EPB41L2: variants seen among roughly 807,000 people sequenced by gnomAD.
EPB41L2 encodes erythrocyte membrane protein band 4.1 like 2, also known as band 4.1-like protein 2.
In EPB41L2, 43 loss-of-function variants were observed where a neutral mutation model predicts 113.0. The ratio of observed to expected loss-of-function variants is 0.38; its 90% CI spans 0.30 to 0.49. The LOEUF (loss-of-function observed/expected upper bound fraction) is 0.49, where lower values mean the gene tolerates loss of function less well. Ranked by LOEUF, EPB41L2 falls within the 20% of genes least tolerant of loss-of-function variation. The pLI, the probability that EPB41L2 is intolerant of heterozygous loss-of-function variation, is 0.95. For missense variants in EPB41L2, 1,147 were observed against 1,223.4 expected (o/e 0.94, Z 0.93); for synonymous variants, 442 against 436.7 (o/e 1.01, Z -0.15).
chr6:130,926,789 A>G, intron 3 of EPB41L2, 80 bp from the exon 4 acceptor site: 1 of 772,606 alleles, frequency 1.3e-6, no homozygotes, highest in Non-Finnish European at 2.1e-6. Context: ...CATATCAGAT[A>G]CATGATTTAT....
chr6:130,906,069 C>A (rs545733710), intron 5 of EPB41L2, among the ~76,000 whole-genome samples: 1 of 152,242 alleles, frequency 6.6e-6, no homozygotes, highest in East Asian at 1.9e-4. Flanking sequence ...TGGCCTATAG[C>A]GCCATGATGA....
At chr6:130,874,361 A>G (rs1010180649) in intron 14 of EPB41L2, among the ~76,000 whole-genome samples, 1 of 130,966 alleles carries the variant, frequency 7.6e-6, no homozygotes, top group Non-Finnish European at 1.7e-5. Context: ...ATACTTATGC[A>G]TAATTTTTTT....
chr6:130,895,859 A>G (rs76040399), intron 8 of EPB41L2, among the ~76,000 whole-genome samples: 1,609 of 152,294 alleles, frequency 0.011, 30 homozygotes, highest in African/African-American at 0.036. Flanking sequence ...TGTTTTAAAA[A>G]CCAAACAAAT....
chr6:130,865,484 A>T (rs1231245380), intron 17 of EPB41L2, 52 bp downstream of exon 17: 1 of 1,538,462 alleles, frequency 6.5e-7, no homozygotes, highest in Non-Finnish European at 9.0e-7. Context: ...TTCAGAAAAG[A>T]TTCTGTCTGT....
chr6:130,952,101 A>T (rs542354068), intron 3 of EPB41L2, among the ~76,000 whole-genome samples: 11 of 152,220 alleles, frequency 7.2e-5, no homozygotes, highest in African/African-American at 2.7e-4. Flanking sequence ...CTGAGAAGGT[A>T]TTTCACATAC....
chr6:131,057,070 A>T (rs1797742708), intron 1 of EPB41L2, among the ~76,000 whole-genome samples: 1 of 152,186 alleles, frequency 6.6e-6, no homozygotes. Context: ...AAAAAATTAA[A>T]AAAAAAGAGA....
intron 8 of EPB41L2, among the ~76,000 whole-genome samples, chr6:130,899,183 A>C (rs1487427992): frequency 6.6e-6 from 1 of 151,956 alleles, no homozygotes; most frequent in Non-Finnish European, 1.5e-5. Flanking sequence ...GCCTAGCAGA[A>C]GCTGCAATGC....
intron 1 of EPB41L2, among the ~76,000 whole-genome samples, chr6:131,001,696 T>TC (rs1784412102): frequency 6.6e-6 from 1 of 152,106 alleles, no homozygotes; most frequent in Non-Finnish European, 1.5e-5. Flanking sequence ...TGGCTGTTTA[T>TC]CCCCCTTATT....
At chr6:131,039,123 G>C (rs1213852565) in intron 1 of EPB41L2, among the ~76,000 whole-genome samples, 10 of 152,140 alleles carry the variant, frequency 6.6e-5, no homozygotes, top group Admixed American at 6.5e-4. Context: ...ACCCAAACCA[G>C]AGGAAATAAA....
chr6:131,054,115 C>T lies in EPB41L2; in HGVS notation c.-15+9040G>A, dbSNP rs148460251. ...ATTCAGATTCAACTGGCTCATGGCT[C>T]GTATTAGGGGAACAAGGCCTGTAGC... On this transcript the variant is annotated intron_variant, in intron 1 of 19. Transcript: ENST00000337057. Among the ~76,000 whole-genome samples, 413 of 152,290 alleles carry T rather than the reference C, an allele frequency of 2.7e-3. 2 individuals are homozygous for T. The highest frequency in any genetic ancestry group is 9.5e-3 in the African/African-American group (396 of 41,552).
chr6:130,859,825 T>C (rs1781460234), intron 18 of EPB41L2, among the ~76,000 whole-genome samples: 1 of 151,906 alleles, frequency 6.6e-6, no homozygotes, highest in African/African-American at 2.4e-5. Context: ...TTGAGGGTGC[T>C]TAAATTTCCA....
intron 11 of EPB41L2, 58 bp downstream of exon 11, chr6:130,890,236 G>T: frequency 6.6e-7 from 1 of 1,516,208 alleles, no homozygotes; most frequent in South Asian, 1.4e-5. Context: ...AACATTTTCT[G>T]ACCTCATGGG....
intron 13 of EPB41L2, among the ~76,000 whole-genome samples, chr6:130,879,853 G>T (rs1019516860): frequency 6.6e-6 from 1 of 152,224 alleles, no homozygotes; most frequent in Non-Finnish European, 1.5e-5. Context: ...CTTTAGGAGA[G>T]AATAGGTTTA....
At chr6:130,935,003 C>T (rs1374124164) in intron 3 of EPB41L2, among the ~76,000 whole-genome samples, 1 of 152,116 alleles carries the variant, frequency 6.6e-6, no homozygotes, top group East Asian at 1.9e-4. Flanking sequence ...AGGAAAACTT[C>T]TCACAGTTCA....
intron 19 of EPB41L2, among the ~76,000 whole-genome samples, chr6:130,847,841 T>C (rs1038946782): frequency 6.6e-6 from 1 of 152,204 alleles, no homozygotes; most frequent in Non-Finnish European, 1.5e-5. Flanking sequence ...AAAAGCGTTC[T>C]ACAAAATCTT....
At chr6:131,055,307 G>A (rs1562811265) in intron 1 of EPB41L2, among the ~76,000 whole-genome samples, 1 of 152,162 alleles carries the variant, frequency 6.6e-6, no homozygotes, top group African/African-American at 2.4e-5. Context: ...GGTCGGGGGA[G>A]AGCCACATTT....
intron 1 of EPB41L2, among the ~76,000 whole-genome samples, chr6:130,997,743 T>C (rs906878636): frequency 4.6e-5 from 7 of 152,142 alleles, no homozygotes; most frequent in African/African-American, 1.2e-4. Flanking sequence ...TACAGGACTA[T>C]TGCATTTCAG....
At chr6:130,944,386 G>A (rs1035927058) in intron 3 of EPB41L2, among the ~76,000 whole-genome samples, 9 of 152,184 alleles carry the variant, frequency 5.9e-5, no homozygotes, top group Non-Finnish European at 8.8e-5. Context: ...AAAGTCCTCC[G>A]TTAAGACTCT....
chr6:131,045,429 A>C (rs1012225765), intron 1 of EPB41L2, among the ~76,000 whole-genome samples: 1 of 149,308 alleles, frequency 6.7e-6, no homozygotes, highest in Admixed American at 6.7e-5. Context: ...ACTCAAGAGA[A>C]AGACTTAGCC....
Sources: gnomAD v4.1 joint callset for allele counts (sites outside exome capture counted in the v4.1 genomes callset) on GRCh38, gnomAD v4.1.1 for gene constraint, MANE v1.5 for transcripts, NCBI Gene and HGNC (gene_info 2026-07-23, HGNC 2026-07-21) for gene names.